The following KIF16B variants were observed in gnomAD, a reference collection of about 807,000 sequenced individuals.
The protein encoded by KIF16B is kinesin family member 16B.
A neutral mutation model predicts 156.3 loss-of-function variants in KIF16B; 98 were observed. That is an observed-to-expected ratio of 0.63 (90% CI 0.53 to 0.74). The LOEUF (loss-of-function observed/expected upper bound fraction) is 0.74. Among genes scored for constraint, KIF16B ranks in the 30% least tolerant of loss-of-function variants. The pLI, the probability that KIF16B is intolerant of heterozygous loss-of-function variation, is 0.00. For missense variants in KIF16B, 1,421 were observed against 1,606.5 expected (o/e 0.88, Z 1.97); for synonymous variants, 564 against 583.7 (o/e 0.97, Z 0.49).
Position 16,545,605 on chromosome 20 carries a change from T to C in KIF16B, c.48-17165A>G, listed in dbSNP as rs185780101. Among the ~76,000 whole-genome samples the C allele has an allele frequency of 9.2e-3, 1,394 of 152,110 alleles. 22 individuals are homozygous for C. The highest frequency in any genetic ancestry group is 0.031 in the African/African-American group (1,293 of 41,496). On this transcript the variant is annotated intron_variant, in intron 1 of 25. Coordinates refer to ENST00000354981, the MANE Select transcript of KIF16B (RefSeq NM_024704.5). ...GCTTAAACCCGGGAGGCAGAGGTTG[T>C]AGTGAGCCGAGATCGCACCACTGCA...
In KIF16B at chr20:16,379,981, G is replaced by A. The variant is rs543632299; in HGVS notation, c.2021C>T (p.Ala674Val). ...HIENKLKDLL[A>V]EKEKFEEERL... ...CTCCTCTTCAAATTTTTCCTTCTCCGCAAGTAAATCCTTTAGCTTGTTCTC... is the reference window on the plus strand; with the variant it reads ...CTCCTCTTCAAATTTTTCCTTCTCCACAAGTAAATCCTTTAGCTTGTTCTC... Residue 674 changes from alanine (A) to valine (V), a missense_variant, in exon 19 of 26, where the codon GCG becomes GTG. Physicochemically the swap from Ala to Val is moderately conservative, Grantham distance 64. Transcript: ENST00000354981. 65 of 1,612,330 alleles carry A rather than the reference G, an allele frequency of 4.0e-5. No individual in the cohort carries two copies. The highest frequency in any genetic ancestry group is 1.9e-4 in the African/African-American group (14 of 74,648).
chr20:16,330,117 G>T (rs1188930227), intron 24 of KIF16B, among the ~76,000 whole-genome samples: 1 of 152,110 alleles, frequency 6.6e-6, no homozygotes, highest in East Asian at 1.9e-4. Context: ...GTGTCTTCTT[G>T]TCTGCTCAAT....
At chr20:16,457,976 T>C (rs2067254073) in intron 12 of KIF16B, among the ~76,000 whole-genome samples, 1 of 152,076 alleles carries the variant, frequency 6.6e-6, no homozygotes, top group Admixed American at 6.5e-5. Flanking sequence ...AGAATCCGTG[T>C]TTTAGGAGGT....
At chr20:16,389,025 C>A (rs186535658) in intron 17 of KIF16B, among the ~76,000 whole-genome samples, 71 of 152,144 alleles carry the variant, frequency 4.7e-4, no homozygotes, top group Admixed American at 3.1e-3. Context: ...GGAAGGGAGA[C>A]CCCCTGGCAA....
chr20:16,401,474 C>A (rs2065655832), intron 17 of KIF16B, among the ~76,000 whole-genome samples: 1 of 152,136 alleles, frequency 6.6e-6, no homozygotes, highest in Non-Finnish European at 1.5e-5. Context: ...AACATCCACG[C>A]CCAAAGAAAT....
intron 17 of KIF16B, among the ~76,000 whole-genome samples, chr20:16,392,972 T>C (rs12480677): frequency 0.42 from 63,328 of 152,054 alleles, 14,140 homozygotes; most frequent in East Asian, 0.63. Context: ...TCTGAGTGTC[T>C]TTAATGATTA....
At chr20:16,377,074 A>C (rs2064969626) in intron 19 of KIF16B, among the ~76,000 whole-genome samples, 2 of 152,192 alleles carry the variant, frequency 1.3e-5, no homozygotes, top group Non-Finnish European at 2.9e-5. Context: ...GTGATGGGTG[A>C]AGCTACAGTA....
chr20:16,314,361 T>G (rs558376336), intron 24 of KIF16B, among the ~76,000 whole-genome samples: 1 of 152,248 alleles, frequency 6.6e-6, no homozygotes, highest in Non-Finnish European at 1.5e-5. Context: ...TAAAAGTTGA[T>G]TGAAGTTGGG....
intron 1 of KIF16B, among the ~76,000 whole-genome samples, chr20:16,532,804 T>C (rs2069808350): frequency 6.6e-6 from 1 of 152,230 alleles, no homozygotes; most frequent in South Asian, 2.1e-4. Context: ...AATGCTCACA[T>C]TGACTTGTCA....
At chr20:16,323,034 A>G (rs1230925334) in intron 24 of KIF16B, among the ~76,000 whole-genome samples, 1 of 152,046 alleles carries the variant, frequency 6.6e-6, no homozygotes, top group Admixed American at 6.6e-5. Flanking sequence ...AGCAGCTAAA[A>G]CTGGGTTATA....
intron 6 of KIF16B, 135 bp from the exon 7 acceptor site, chr20:16,508,235 G>C: frequency 1.0e-6 from 1 of 985,696 alleles, no homozygotes; most frequent in South Asian, 1.6e-5. Context: ...TCTCTCTAGG[G>C]TGGTGGTATG....
chr20:16,539,875 T>C (rs2070127997), intron 1 of KIF16B, among the ~76,000 whole-genome samples: 1 of 152,230 alleles, frequency 6.6e-6, no homozygotes, highest in African/African-American at 2.4e-5. Flanking sequence ...ACAGCTAGAC[T>C]GGGTGATGTT....
Position 16,482,452 on chromosome 20 carries a change from A to G in KIF16B, c.1302+11839T>C, listed in dbSNP as rs200846287. 3.2e-4 allele frequency among the ~76,000 whole-genome samples: 49 copies of G among 152,240 alleles called. No homozygotes were observed. The East Asian group carries it at 8.7e-3, about 27-fold the overall frequency. ...GGAAAACAGCAAGCTAAAGAGGTCAATGAGAAATTGAGCCAAATTCAAAAC... is the reference window on the plus strand; with the variant it reads ...GGAAAACAGCAAGCTAAAGAGGTCAGTGAGAAATTGAGCCAAATTCAAAAC... On this transcript the variant is annotated intron_variant, in intron 12 of 25. Transcript: ENST00000354981.
intron 12 of KIF16B, among the ~76,000 whole-genome samples, chr20:16,437,046 A>G (rs1217616840): frequency 9.9e-5 from 15 of 152,202 alleles, no homozygotes; most frequent in Admixed American, 9.8e-4. Flanking sequence ...GCTTCTGCAT[A>G]CTTTAAATCA....
intron 25 of KIF16B, among the ~76,000 whole-genome samples, chr20:16,279,408 G>C (rs954863913): frequency 6.6e-6 from 1 of 152,140 alleles, no homozygotes; most frequent in Non-Finnish European, 1.5e-5. Flanking sequence ...AGAGCCTTTG[G>C]TCTCTGTCCA....
At chr20:16,305,162 G>A (rs2063523670) in intron 25 of KIF16B, among the ~76,000 whole-genome samples, 1 of 152,062 alleles carries the variant, frequency 6.6e-6, no homozygotes. Flanking sequence ...AAGCAGTTAG[G>A]AACCGGCCTG....
At chr20:16,319,764 T>G (rs1175723917) in intron 24 of KIF16B, among the ~76,000 whole-genome samples, 3 of 152,234 alleles carry the variant, frequency 2.0e-5, no homozygotes, top group Admixed American at 1.3e-4. Flanking sequence ...AGGTTCTCAC[T>G]GTGAAGTTGG....
intron 1 of KIF16B, among the ~76,000 whole-genome samples, chr20:16,557,542 G>C (rs976057619): frequency 3.9e-5 from 6 of 152,142 alleles, no homozygotes; most frequent in African/African-American, 1.4e-4. Context: ...CAGAGGAAGA[G>C]GGCAAGAAGG....
intron 3 of KIF16B, among the ~76,000 whole-genome samples, chr20:16,516,136 T>C (rs2069135746): frequency 6.6e-6 from 1 of 152,178 alleles, no homozygotes; most frequent in Non-Finnish European, 1.5e-5. Context: ...GTCATCAAAA[T>C]CAACCTCTGC....
Sources: gnomAD v4.1 joint callset for allele counts (sites outside exome capture counted in the v4.1 genomes callset) on GRCh38, gnomAD v4.1.1 for gene constraint, MANE v1.5 for transcripts, NCBI Gene and HGNC (gene_info 2026-07-23, HGNC 2026-07-21) for gene names.